Variants in CDH13 observed in about 807,000 individuals in gnomAD.
The protein encoded by CDH13 is cadherin-13.
A neutral mutation model predicts 63.8 loss-of-function variants in CDH13; 24 were observed. The observed-to-expected ratio is 0.38, with a 90% CI of 0.27 to 0.53. The LOEUF (loss-of-function observed/expected upper bound fraction) is 0.53, where lower values mean the gene tolerates loss of function less well. CDH13 is among the 20% of genes least tolerant of loss of function. The pLI, the probability that CDH13 is intolerant of heterozygous loss-of-function variation, is 0.85. For synonymous variants in CDH13, 503 were observed against 355.3 expected (o/e 1.42, Z -4.67); for missense variants, 1,049 against 903.1 (o/e 1.16, Z -2.07).
At chr16:83,020,295 G>A (rs1915226248) in intron 2 of CDH13, among the ~76,000 whole-genome samples, 1 of 152,176 alleles carries the variant, frequency 6.6e-6, no homozygotes, top group Non-Finnish European at 1.5e-5. Flanking sequence ...CAGGGCATCT[G>A]TCACATGAAT....
At chr16:83,297,103 G>T (rs2089619445) in intron 5 of CDH13, among the ~76,000 whole-genome samples, 1 of 152,136 alleles carries the variant, frequency 6.6e-6, no homozygotes, top group Admixed American at 6.5e-5. Flanking sequence ...TAGGAGAGAG[G>T]ATGGTCAACA....
chr16:83,155,421 G>A (rs1328806383), intron 4 of CDH13, among the ~76,000 whole-genome samples: 1 of 152,150 alleles, frequency 6.6e-6, no homozygotes, highest in East Asian at 1.9e-4. Flanking sequence ...GGGCAGTGAA[G>A]GCCAAGGTCT....
At chr16:83,343,097 T>G (rs1362686792) in intron 5 of CDH13, among the ~76,000 whole-genome samples, 3 of 152,140 alleles carry the variant, frequency 2.0e-5, no homozygotes, top group African/African-American at 7.2e-5. Flanking sequence ...ATTACATGCA[T>G]TATTTTATCT....
intron 1 of CDH13, chr16:82,823,900 T>G (rs1017598085): frequency 1.3e-5 from 2 of 152,136 alleles, no homozygotes; most frequent in South Asian, 4.1e-4. Context: ...CTCTTTCTAC[T>G]AAAAAGCCCT....
chr16:82,974,453 T>C (rs1465289204), intron 2 of CDH13, among the ~76,000 whole-genome samples: 3 of 152,194 alleles, frequency 2.0e-5, no homozygotes, highest in Admixed American at 1.3e-4. Context: ...CCTTGGCTTA[T>C]ATTTGCCCAG....
At chr16:82,995,284 C>A (rs1375834007) in intron 2 of CDH13, among the ~76,000 whole-genome samples, 1 of 152,186 alleles carries the variant, frequency 6.6e-6, no homozygotes, top group Non-Finnish European at 1.5e-5. Flanking sequence ...GGCTCGTGGT[C>A]ACTCAGCTAA....
intron 3 of CDH13, among the ~76,000 whole-genome samples, chr16:83,095,437 T>A (rs2034145825): frequency 6.6e-6 from 1 of 152,250 alleles, no homozygotes; most frequent in African/African-American, 2.4e-5. Context: ...GATAAAGTAC[T>A]TCTCCCAAAT....
At chr16:83,535,902 A>G (rs1239374100) in intron 7 of CDH13, among the ~76,000 whole-genome samples, 3 of 151,522 alleles carry the variant, frequency 2.0e-5, no homozygotes, top group Non-Finnish European at 2.9e-5. Context: ...AAAGAAAAGA[A>G]AAGGAAAAAA....
At chr16:83,308,279 A>T (rs1362541237) in intron 5 of CDH13, among the ~76,000 whole-genome samples, 1 of 152,222 alleles carries the variant, frequency 6.6e-6, no homozygotes, top group Non-Finnish European at 1.5e-5. Flanking sequence ...GCCAGGAATG[A>T]CCTGGCTCAT....
At chr16:83,593,699 T>G (rs1222948037) in intron 7 of CDH13, among the ~76,000 whole-genome samples, 1 of 152,136 alleles carries the variant, frequency 6.6e-6, no homozygotes, top group African/African-American at 2.4e-5. Flanking sequence ...GGGCTAATTG[T>G]GTTATAATAT....
At chr16:82,751,681 G>C (rs1327714954) in intron 1 of CDH13, among the ~76,000 whole-genome samples, 1 of 146,968 alleles carries the variant, frequency 6.8e-6, no homozygotes, top group East Asian at 2.0e-4. Context: ...GACAGATTGA[G>C]AGAAAGACCA....
At chr16:83,140,190 G>A (rs2048914821) in intron 4 of CDH13, among the ~76,000 whole-genome samples, 1 of 152,132 alleles carries the variant, frequency 6.6e-6, no homozygotes, top group Non-Finnish European at 1.5e-5. Flanking sequence ...AAGCCTCCTG[G>A]CACTGCTGAC....
chr16:83,666,693 C>G (rs936302950), intron 8 of CDH13, among the ~76,000 whole-genome samples: 2 of 152,174 alleles, frequency 1.3e-5, no homozygotes, highest in African/African-American at 4.8e-5. Flanking sequence ...GGCCTTTGCT[C>G]TTCCTCTTTC....
intron 5 of CDH13, among the ~76,000 whole-genome samples, chr16:83,306,714 G>A (rs2089888593): frequency 6.6e-6 from 1 of 152,140 alleles, no homozygotes; most frequent in Non-Finnish European, 1.5e-5. Flanking sequence ...AGGCTGGAGG[G>A]GTAGGTGAGG....
chr16:83,359,128 C>A (rs1478880453), intron 6 of CDH13, among the ~76,000 whole-genome samples: 1 of 152,052 alleles, frequency 6.6e-6, no homozygotes, highest in Non-Finnish European at 1.5e-5. Context: ...GAGAAAGTAC[C>A]TGTGAGTTCA....
At chr16:83,556,855 A>T (rs1231032561) in intron 7 of CDH13, among the ~76,000 whole-genome samples, 1 of 152,202 alleles carries the variant, frequency 6.6e-6, no homozygotes, top group East Asian at 1.9e-4. Context: ...CAGCAAAGGA[A>T]ACGTTGAAGC....
intron 4 of CDH13, among the ~76,000 whole-genome samples, chr16:83,197,708 G>A (rs2038914803): frequency 6.6e-6 from 1 of 152,020 alleles, no homozygotes; most frequent in African/African-American, 2.4e-5. Context: ...TATCTCAATG[G>A]TGGTGATGGA....
At chr16:82,909,349 G>C (rs898314499) in intron 2 of CDH13, among the ~76,000 whole-genome samples, 1 of 151,274 alleles carries the variant, frequency 6.6e-6, no homozygotes, top group African/African-American at 2.4e-5. Flanking sequence ...AATTATGTGA[G>C]GTAAATAAAA....
rs181224937 is a variant in CDH13 at position 83,438,020 on chromosome 16, C to A, written c.782-48457C>A. The stretch of plus-strand genomic sequence containing the variant: ...TATCCTCTCTGCTTCAGCCACCCAC[C>A]CCTCACCGGTCTCCCTACTCTCCCC... On this transcript the variant is annotated intron_variant, in intron 6 of 13. Coordinates refer to ENST00000567109, the MANE Select transcript of CDH13 (RefSeq NM_001257.5). Among the ~76,000 whole-genome samples the A allele has an allele frequency of 1.9e-3, 294 of 152,280 alleles. 3 individuals carry two copies. The highest frequency in any genetic ancestry group is 6.8e-3 in the African/African-American group (281 of 41,550).
Sources: allele counts gnomAD v4.1 joint callset (sites outside exome capture counted in the v4.1 genomes callset), GRCh38; gene constraint gnomAD v4.1.1; transcripts MANE v1.5; gene names NCBI Gene and HGNC (gene_info 2026-07-23, HGNC 2026-07-21).